Variants in ARHGEF10L observed in about 807,000 individuals in gnomAD.
ARHGEF10L encodes the protein rho guanine nucleotide exchange factor 10-like protein.
ARHGEF10L carries 69 observed loss-of-function variants against 141.2 expected under a neutral mutation model. That is an observed-to-expected ratio of 0.49 (90% CI 0.40 to 0.60). ARHGEF10L has a LOEUF of 0.60. ARHGEF10L is among the 20% of genes least tolerant of loss of function. The probability of loss-of-function intolerance (pLI) is 0.00; values close to 1 mark genes in which losing one functional copy is unlikely to be tolerated. For synonymous variants in ARHGEF10L, 711 were observed against 718.5 expected, an observed-to-expected ratio of 0.99 and a Z score of 0.17; for missense variants, 1,482 against 1,734.3, an observed-to-expected ratio of 0.85 and a Z score of 2.58.
intron 22 of ARHGEF10L, 46 bp downstream of exon 22, chr1:17,648,721 G>A (rs1431783278): frequency 1.3e-6 from 2 of 1,595,970 alleles, no homozygotes; most frequent in East Asian, 2.3e-5. Flanking sequence ...GGTGGCTGCG[G>A]CTCCCCCTCG....
chr1:17,645,462 G>T (rs900688458), intron 21 of ARHGEF10L, among the ~76,000 whole-genome samples: 1 of 152,086 alleles, frequency 6.6e-6, no homozygotes, highest in Non-Finnish European at 1.5e-5. Flanking sequence ...AGCTCTGGGC[G>T]CCCTGGTGAC....
rs1299002066 is a variant in ARHGEF10L at position 17,637,906 on chromosome 1, C to T, written c.1946C>T (p.Pro649Leu). Residue 649 changes from proline (P) to leucine (L), a missense_variant, in exon 19 of 29, where the codon CCC (proline) becomes CTC (leucine). This residue lies in a region of ARHGEF10L where 858 missense variants were observed against 966.3 expected (regional missense o/e 0.89). Coordinates refer to ENST00000361221, the MANE Select transcript of ARHGEF10L (RefSeq NM_018125.4). ...TGCCCAGATAAGGTGTACCTCGGCC[C>T]CCCACGCCTCTTCCAGGAGCTGCAG... Reference protein sequence around the residue: ...GQAQNKVYLGPPRLFQELQDL... With the variant: ...GQAQNKVYLGLPRLFQELQDL... 3 of 1,593,070 alleles carry T rather than the reference C, an allele frequency of 1.9e-6. No individual in the cohort carries two copies. Among genetic ancestry groups the T allele is most frequent in the Non-Finnish European group, 1.7e-6 (2 of 1,169,716 alleles).
chr1:17,565,478 C>T (rs35546238), intron 1 of ARHGEF10L, among the ~76,000 whole-genome samples: 150 of 152,312 alleles, frequency 9.8e-4, no homozygotes, highest in African/African-American at 3.2e-3. Flanking sequence ...AACTGGTGGA[C>T]GGCCCCCCTC....
At chr1:17,612,706 C>T (rs574134008) in intron 7 of ARHGEF10L, among the ~76,000 whole-genome samples, 3 of 152,320 alleles carry the variant, frequency 2.0e-5, no homozygotes, top group South Asian at 4.1e-4. Context: ...GCCACAGGGC[C>T]GGGGAGAAGA....
rs998987835 is a variant in ARHGEF10L, at chr1:17,625,871, C to G, written c.1318-85C>G. ...GGTCTTAGGGCCTGGGGAGAGGAGC[C>G]CAGAATGGGGACAGTGTCTGGACTC... On this transcript the variant is annotated intron_variant, in intron 13 of 28. Coordinates refer to ENST00000361221, the MANE Select transcript of ARHGEF10L (RefSeq NM_018125.4). This position sits in a 1 kb window ranked among gnomAD's most constrained non-coding sequence, Gnocchi z 4.5. 1 of 1,223,646 alleles carries G rather than the reference C, an allele frequency of 8.2e-7. No homozygotes were observed. Among genetic ancestry groups the G allele is most frequent in the Non-Finnish European group, 1.2e-6 (1 of 841,710 alleles). The allele number at this position is 1,223,646 out of a possible 1,614,324, so 75.8% of individuals were successfully genotyped here. A position where few individuals can be genotyped will look rare whatever the true frequency, so the allele number is the denominator to read the frequency against.
chr1:17,610,175 T>C (rs1330232845), intron 7 of ARHGEF10L, among the ~76,000 whole-genome samples: 1 of 152,216 alleles, frequency 6.6e-6, no homozygotes, highest in Non-Finnish European at 1.5e-5. Flanking sequence ...GGGTAACTGA[T>C]TGAATCACAG....
intron 1 of ARHGEF10L, among the ~76,000 whole-genome samples, chr1:17,566,848 C>A (rs2077776065): frequency 6.6e-6 from 1 of 152,192 alleles, no homozygotes; most frequent in Admixed American, 6.5e-5. Context: ...TAAAGATTTG[C>A]TGAATGAGCA....
chr1:17,588,105 C>G (rs75665301), intron 3 of ARHGEF10L, among the ~76,000 whole-genome samples: 4,970 of 152,294 alleles, frequency 0.033, 86 homozygotes, highest in Middle Eastern at 0.058. Flanking sequence ...GAGAGAGAAT[C>G]TGGGGACTGG....
At chr1:17,672,805 G>T (rs2063405850) in intron 26 of ARHGEF10L, among the ~76,000 whole-genome samples, 1 of 152,106 alleles carries the variant, frequency 6.6e-6, no homozygotes, top group Non-Finnish European at 1.5e-5. Flanking sequence ...GGGAGGTAGG[G>T]GTGGGTTTGG....
the ARHGEF10L span, among the ~76,000 whole-genome samples, chr1:17,528,003 G>T: frequency 2.2e-4 from 33 of 151,648 alleles, no homozygotes; most frequent in Non-Finnish European, 4.4e-4. Flanking sequence ...TGAGTGGCTG[G>T]GACCACAGGC....
intron 15 of ARHGEF10L, 42 bp from the exon 16 acceptor site, chr1:17,632,279 G>A (rs201389038): frequency 1.6e-4 from 264 of 1,607,584 alleles, no homozygotes; most frequent in Non-Finnish European, 1.9e-4. Flanking sequence ...TAAAGCCGCC[G>A]GGCCGCGATG....
chr1:17,597,423 G>T (rs753880347), intron 4 of ARHGEF10L, among the ~76,000 whole-genome samples: 9 of 152,140 alleles, frequency 5.9e-5, no homozygotes, highest in Non-Finnish European at 1.0e-4. Context: ...GCCTTGGCAG[G>T]CATCAGGGAG....
At chr1:17,515,291 CTTTTTT>C in the ARHGEF10L span, among the ~76,000 whole-genome samples, 67 of 131,992 alleles carry the variant, frequency 5.1e-4, 1 homozygote, top group East Asian at 0.014. Context: ...CTTTTTCTCT[CTTTTTT>C]TTTTTTTTTT....
At chr1:17,569,549 C>T (rs1343829030) in intron 1 of ARHGEF10L, among the ~76,000 whole-genome samples, 1 of 152,178 alleles carries the variant, frequency 6.6e-6, no homozygotes. Flanking sequence ...CCTCGTGGGA[C>T]AGAGTGAACA....
intron 25 of ARHGEF10L, among the ~76,000 whole-genome samples, chr1:17,663,864 C>T (rs753222723): frequency 1.3e-5 from 2 of 152,156 alleles, no homozygotes; most frequent in South Asian, 2.1e-4. Context: ...CTCCCGATTC[C>T]GGGTCCAGGA....
At chr1:17,608,805 G>A (rs1269662465) in intron 7 of ARHGEF10L, among the ~76,000 whole-genome samples, 1 of 152,092 alleles carries the variant, frequency 6.6e-6, no homozygotes, top group Admixed American at 6.6e-5. Context: ...ATTCTTTTGA[G>A]GCAGAGTCTC....
At chr1:17,601,399 A>T (rs1358658893) in intron 4 of ARHGEF10L, among the ~76,000 whole-genome samples, 2 of 152,188 alleles carry the variant, frequency 1.3e-5, no homozygotes, top group African/African-American at 2.4e-5. Flanking sequence ...TGCATGAGGG[A>T]CTAAGCTCTA....
At chr1:17,653,476 G>T (rs1239753672) in intron 22 of ARHGEF10L, among the ~76,000 whole-genome samples, 1 of 152,200 alleles carries the variant, frequency 6.6e-6, no homozygotes, top group Non-Finnish European at 1.5e-5. Context: ...AGCAGGGGCT[G>T]CCGTGGCCTC....
Position 17,587,380 on chromosome 1 carries a change from A to T in ARHGEF10L, c.38-80A>T, listed in dbSNP as rs998602119. On this transcript the variant is annotated intron_variant, in intron 2 of 28. Coordinates refer to ENST00000361221, the MANE Select transcript of ARHGEF10L (RefSeq NM_018125.4). ...CTGAGGTGCTCACCCAGTTCCAGCC[A>T]TGCCCACCTACCCCAGCCATCTCTC... 6.0e-5 allele frequency: 87 copies of T among 1,440,480 alleles called. No individual in the cohort carries two copies. In the African/African-American group the frequency reaches 1.1e-3, roughly 18 times the overall value. The allele number at this position is 1,440,480 out of a possible 1,614,324, so 89.2% of individuals were successfully genotyped here. A position where few individuals can be genotyped will look rare whatever the true frequency, so the allele number is the denominator to read the frequency against.
Sources: allele counts gnomAD v4.1 joint callset (sites outside exome capture counted in the v4.1 genomes callset), GRCh38; gene constraint gnomAD v4.1.1; regional missense constraint gnomAD v4.1.1; non-coding constraint Gnocchi (gnomAD v3.1); transcripts MANE v1.5; gene names NCBI Gene and HGNC (gene_info 2026-07-23, HGNC 2026-07-21).